Variants in GIGYF2 observed in about 807,000 individuals in gnomAD.
The protein encoded by GIGYF2 is GRB10-interacting GYF protein 2.
A neutral mutation model predicts 208.1 loss-of-function variants in GIGYF2; 25 were observed. The observed-to-expected ratio is 0.12, with a 90% CI of 0.09 to 0.17. The LOEUF (loss-of-function observed/expected upper bound fraction) is 0.17, where lower values mean the gene tolerates loss of function less well. GIGYF2 is among the 10% of genes least tolerant of loss of function. The pLI is 1.00. For synonymous variants in GIGYF2, 534 were observed against 543.8 expected, an observed-to-expected ratio of 0.98 and a Z score of 0.25; for missense variants, 1,302 against 1,579.4, an observed-to-expected ratio of 0.82 and a Z score of 2.98.
intron 2 of GIGYF2, among the ~76,000 whole-genome samples, chr2:232,732,625 A>C (rs879803662): frequency 2.0e-5 from 3 of 150,848 alleles, no homozygotes; most frequent in Non-Finnish European, 2.9e-5. Context: ...TTTCTTTTTT[A>C]TTTTAATTTT....
intron 8 of GIGYF2, among the ~76,000 whole-genome samples, chr2:232,777,044 A>G (rs1473229411): frequency 6.6e-6 from 1 of 152,084 alleles, no homozygotes; most frequent in Non-Finnish European, 1.5e-5. Flanking sequence ...CAGAATGGCT[A>G]CCATTAGTTC....
At position 232,718,071 on chromosome 2, in the gene GIGYF2, T is replaced by C. The variant is rs547478077; in HGVS notation, c.-44+14582T>C. On this transcript the variant is annotated intron_variant, in intron 2 of 28. Coordinates refer to ENST00000373563, the MANE Select transcript of GIGYF2 (RefSeq NM_001103146.3). ...TGATTTCGCAGTATCATTGTGAATA[T>C]CAGTAATTTTTTTTGTTGTTGTTGT... Among the ~76,000 whole-genome samples the C allele has an allele frequency of 5.3e-5, 8 of 152,214 alleles. No individual in the cohort carries two copies. The South Asian group carries it at 1.7e-3, about 32-fold the overall frequency.
At chr2:232,820,215 T>C (rs1701033701) in intron 21 of GIGYF2, among the ~76,000 whole-genome samples, 1 of 152,172 alleles carries the variant, frequency 6.6e-6, no homozygotes, top group Non-Finnish European at 1.5e-5. Context: ...TGCTCAGCTG[T>C]ATAGTGGAAA....
chr2:232,761,453 C>T lies in GIGYF2; in HGVS notation c.532+17C>T, dbSNP rs768810369. 3.4e-6 allele frequency: 5 copies of T among 1,487,348 alleles called. No homozygotes were observed. In the African/African-American group the frequency reaches 4.2e-5, roughly 12 times the overall value. The allele number at this position is 1,487,348 out of a possible 1,614,324, so 92.1% of individuals were successfully genotyped here. A position where few individuals can be genotyped will look rare whatever the true frequency, so the allele number is the denominator to read the frequency against. ...AAGATGTAGGTAAGGTTCTTACCTA[C>T]ACACATAAGGATAAATTTATTAAAA... On this transcript the variant is annotated intron_variant, in intron 8 of 28. Coordinates refer to ENST00000373563, the MANE Select transcript of GIGYF2 (RefSeq NM_001103146.3).
At chr2:232,783,914 C>A (rs1048779407) in intron 8 of GIGYF2, among the ~76,000 whole-genome samples, 1 of 152,204 alleles carries the variant, frequency 6.6e-6, no homozygotes, top group African/African-American at 2.4e-5. Flanking sequence ...TCTCGAACTT[C>A]TGACCTCAGG....
intron 2 of GIGYF2, chr2:232,729,706 A>G: frequency 1.3e-6 from 1 of 771,026 alleles, no homozygotes; most frequent in East Asian, 2.5e-5. Context: ...CATCTGCTTG[A>G]ATGCCTCTGA....
intron 21 of GIGYF2, among the ~76,000 whole-genome samples, chr2:232,832,169 A>G (rs1316032535): frequency 1.3e-5 from 2 of 152,228 alleles, no homozygotes; most frequent in Admixed American, 1.3e-4. Context: ...TATCTGACCT[A>G]CGTTTTAAAG....
In GIGYF2 at chr2:232,711,211, C is replaced by G. The variant is rs150889091; in HGVS notation, c.-44+7722C>G. Among the ~76,000 whole-genome samples the G allele has an allele frequency of 8.6e-3, 1,288 of 150,386 alleles. 11 individuals are homozygous for G. Among genetic ancestry groups the G allele is most frequent in the African/African-American group, 0.03 (1,220 of 40,994 alleles). ...CTGCCTATCCTCCCACCTGTACCTCCTGAGTAGCTGGGACTCCAGGCGTGC... is the reference window on the plus strand; with the variant it reads ...CTGCCTATCCTCCCACCTGTACCTCGTGAGTAGCTGGGACTCCAGGCGTGC... On this transcript the variant is annotated intron_variant, in intron 2 of 28. Coordinates refer to ENST00000373563, the MANE Select transcript of GIGYF2 (RefSeq NM_001103146.3).
intron 13 of GIGYF2, 114 bp from the exon 14 acceptor site, chr2:232,795,948 T>A (rs1700208730): frequency 1.3e-6 from 1 of 767,506 alleles, no homozygotes; most frequent in Non-Finnish European, 2.3e-6. Context: ...GTTCTTTGCA[T>A]AGTGACTTTC....
intron 8 of GIGYF2, among the ~76,000 whole-genome samples, chr2:232,774,718 C>T (rs2106345017): frequency 6.6e-6 from 1 of 152,292 alleles, no homozygotes; most frequent in East Asian, 1.9e-4. Flanking sequence ...GACACTAGTG[C>T]TTGTTCCACA....
chr2:232,739,109 AG>A, intron 3 of GIGYF2, among the ~76,000 whole-genome samples: 1 of 152,248 alleles, frequency 6.6e-6, no homozygotes, highest in Non-Finnish European at 1.5e-5. Flanking sequence ...CTGTAATCCC[AG>A]CACTTTGGGA....
intron 2 of GIGYF2, among the ~76,000 whole-genome samples, chr2:232,708,818 A>G (rs1696252953): frequency 6.6e-6 from 1 of 150,566 alleles, no homozygotes; most frequent in East Asian, 1.9e-4. Context: ...CTCTGTCTCA[A>G]AAAAAAAAAA....
intron 2 of GIGYF2, among the ~76,000 whole-genome samples, chr2:232,720,145 C>G (rs1269971373): frequency 6.6e-6 from 1 of 152,158 alleles, no homozygotes; most frequent in Non-Finnish European, 1.5e-5. Context: ...CACCCTGTGT[C>G]CAAGTGTTCT....
chr2:232,717,890 A>G (rs1042606720), intron 2 of GIGYF2, among the ~76,000 whole-genome samples: 1 of 152,098 alleles, frequency 6.6e-6, no homozygotes, highest in African/African-American at 2.4e-5. Context: ...ACCTCCCATT[A>G]GACCTCACCT....
intron 3 of GIGYF2, chr2:232,735,439 C>A: frequency 2.1e-6 from 1 of 487,298 alleles, no homozygotes; most frequent in South Asian, 3.8e-5. Flanking sequence ...AATTTTTTTT[C>A]TTTGTCTGGT....
intron 8 of GIGYF2, chr2:232,776,568 T>C: frequency 2.6e-6 from 2 of 761,184 alleles, no homozygotes; most frequent in Non-Finnish European, 4.6e-6. Context: ...CTTGGACTGG[T>C]TTTACAGCTT....
At chr2:232,713,080 C>CA (rs1696504477) in intron 2 of GIGYF2, among the ~76,000 whole-genome samples, 1 of 146,526 alleles carries the variant, frequency 6.8e-6, no homozygotes, top group Non-Finnish European at 1.5e-5. Context: ...GAAAAAACTT[C>CA]TTTTTTTTTT....
At chr2:232,730,012 C>T (rs750020292) in intron 2 of GIGYF2, 22 of 775,878 alleles carry the variant, frequency 2.8e-5, no homozygotes, top group Middle Eastern at 3.2e-4. Context: ...TTTTCTTTTT[C>T]GTAAGACTTG....
intron 9 of GIGYF2, among the ~76,000 whole-genome samples, chr2:232,787,646 C>CTT (rs1699956284): frequency 6.6e-6 from 1 of 152,212 alleles, no homozygotes; most frequent in East Asian, 1.9e-4. Flanking sequence ...TTTTAGCATT[C>CTT]TTTAAGATTT....
Sources: gnomAD v4.1 joint callset for allele counts (sites outside exome capture counted in the v4.1 genomes callset) on GRCh38, gnomAD v4.1.1 for gene constraint, MANE v1.5 for transcripts, NCBI Gene and HGNC (gene_info 2026-07-23, HGNC 2026-07-21) for gene names.